The following GALNT13 variants were observed in gnomAD, a reference collection of about 807,000 sequenced individuals.
GALNT13 encodes polypeptide N-acetylgalactosaminyltransferase 13.
In GALNT13, 28 loss-of-function variants were observed where a neutral mutation model predicts 64.2. The ratio of observed to expected loss-of-function variants is 0.44; its 90% CI spans 0.32 to 0.60. The LOEUF (loss-of-function observed/expected upper bound fraction) is 0.60, where lower values mean the gene tolerates loss of function less well. GALNT13 is among the 20% of genes least tolerant of loss of function. The probability of loss-of-function intolerance (pLI) is 0.05; values close to 1 mark genes in which losing one functional copy is unlikely to be tolerated. For synonymous variants in GALNT13, 214 were observed against 224.6 expected (o/e 0.95, Z 0.42); for missense variants, 577 against 669.8 (o/e 0.86, Z 1.53).
intron 3 of GALNT13, among the ~76,000 whole-genome samples, chr2:154,083,533 C>T (rs1050455391): frequency 2.7e-5 from 4 of 150,024 alleles, no homozygotes; most frequent in Admixed American, 6.7e-5. Flanking sequence ...ATTGATTCTT[C>T]CTATCCATGA....
the GALNT13 span, among the ~76,000 whole-genome samples, chr2:153,428,615 G>A: frequency 1.3e-5 from 2 of 152,068 alleles, no homozygotes; most frequent in Non-Finnish European, 2.9e-5. Flanking sequence ...AAGTTCCAGT[G>A]GTGGACAAAA....
chr2:153,800,045 G>GCTCTCTCT, the GALNT13 span, among the ~76,000 whole-genome samples: 2,462 of 118,900 alleles, frequency 0.021, 61 homozygotes, highest in African/African-American at 0.039. Flanking sequence ...CATTTAGTTT[G>GCTCTCTCT]CTCTCTCTCT....
chr2:153,587,574 G>C, the GALNT13 span, among the ~76,000 whole-genome samples: 1 of 152,112 alleles, frequency 6.6e-6, no homozygotes, highest in Non-Finnish European at 1.5e-5. Context: ...GATCTCATGA[G>C]ACTTATTCAC....
At chr2:153,786,489 G>C in the GALNT13 span, among the ~76,000 whole-genome samples, 1 of 152,066 alleles carries the variant, frequency 6.6e-6, no homozygotes, top group African/African-American at 2.4e-5. Context: ...CAACTCCTCT[G>C]CCACTGCCAC....
the GALNT13 span, among the ~76,000 whole-genome samples, chr2:153,205,528 C>T: frequency 6.6e-6 from 1 of 151,958 alleles, no homozygotes; most frequent in Admixed American, 6.6e-5. Context: ...TCATATTTAT[C>T]CATCTTCATA....
chr2:153,216,248 T>C, the GALNT13 span, among the ~76,000 whole-genome samples: 7 of 152,084 alleles, frequency 4.6e-5, no homozygotes, highest in Admixed American at 4.6e-4. Flanking sequence ...TTAATGATTA[T>C]GAGTAAAAGC....
At chr2:153,207,541 A>G in the GALNT13 span, among the ~76,000 whole-genome samples, 1 of 152,124 alleles carries the variant, frequency 6.6e-6, no homozygotes, top group Non-Finnish European at 1.5e-5. Flanking sequence ...ATCAGCTACA[A>G]TATTTCTATT....
At chr2:154,323,533 G>A (rs961506856) in intron 9 of GALNT13, among the ~76,000 whole-genome samples, 5 of 151,998 alleles carry the variant, frequency 3.3e-5, no homozygotes, top group African/African-American at 1.2e-4. Context: ...GTTTGGGGTT[G>A]ATTTATTTTG....
intron 9 of GALNT13, among the ~76,000 whole-genome samples, chr2:154,347,328 C>T (rs559494449): frequency 2.6e-5 from 4 of 152,082 alleles, no homozygotes; most frequent in Non-Finnish European, 2.9e-5. Context: ...GATGATGATA[C>T]CACTTGATCT....
chr2:154,396,711 A>G (rs1488610325), intron 10 of GALNT13, among the ~76,000 whole-genome samples: 2 of 152,164 alleles, frequency 1.3e-5, no homozygotes, highest in Admixed American at 6.5e-5. Flanking sequence ...GTCTATTACA[A>G]TAGCCTCTAG....
chr2:154,058,804 T>C (rs970620646), intron 3 of GALNT13, among the ~76,000 whole-genome samples: 2 of 152,178 alleles, frequency 1.3e-5, no homozygotes, highest in South Asian at 2.1e-4. Context: ...TAAGCTATTA[T>C]AGATTTTAGG....
At chr2:153,152,177 A>G in the GALNT13 span, among the ~76,000 whole-genome samples, 3 of 151,964 alleles carry the variant, frequency 2.0e-5, no homozygotes, top group African/African-American at 7.2e-5. Flanking sequence ...TCCTTATTAG[A>G]AATGACTTTT....
At chr2:153,772,137 G>A in the GALNT13 span, among the ~76,000 whole-genome samples, 1 of 152,198 alleles carries the variant, frequency 6.6e-6, no homozygotes, top group African/African-American at 2.4e-5. Context: ...AATTCTGGCT[G>A]TGAGCATTAG....
chr2:154,438,577 A>C lies in GALNT13; in HGVS notation c.1396-15A>C. On this transcript the variant is annotated splice_polypyrimidine_tract_variant and intron_variant, in intron 11 of 12. Transcript: ENST00000392825. The stretch of plus-strand genomic sequence containing the variant: ...AAACATACATTTTTTTTATTAGCTG[A>C]ATTTATATTTTCAGGTATTTTCTTA... The C allele has an allele frequency of 1.3e-6, 2 of 1,595,630 alleles. No homozygotes were observed. The highest frequency in any genetic ancestry group is 2.2e-5 in the South Asian group (2 of 90,132).
chr2:153,910,151 C>T (rs1457265588), intron 2 of GALNT13, among the ~76,000 whole-genome samples: 4 of 150,880 alleles, frequency 2.7e-5, no homozygotes, highest in African/African-American at 4.9e-5. Flanking sequence ...TCAGTTTCTT[C>T]CTGGTTTAGT....
intron 11 of GALNT13, among the ~76,000 whole-genome samples, chr2:154,431,636 T>G (rs1700714206): frequency 6.6e-6 from 1 of 152,222 alleles, no homozygotes; most frequent in African/African-American, 2.4e-5. Flanking sequence ...GAAAGAATGC[T>G]TACCATCTGA....
intron 3 of GALNT13, among the ~76,000 whole-genome samples, chr2:153,957,423 CT>C (rs1419623997): frequency 6.6e-6 from 1 of 152,210 alleles, no homozygotes; most frequent in Admixed American, 6.5e-5. Flanking sequence ...TTGTCTGCCA[CT>C]GTGGGAAGCC....
chr2:154,156,951 C>T (rs569682039), intron 4 of GALNT13, among the ~76,000 whole-genome samples: 12 of 152,192 alleles, frequency 7.9e-5, no homozygotes, highest in African/African-American at 1.7e-4. Flanking sequence ...ATTTGGGAGA[C>T]GGTTCATACA....
intron 2 of GALNT13, among the ~76,000 whole-genome samples, chr2:153,908,625 A>C (rs1688738339): frequency 6.6e-6 from 1 of 151,972 alleles, no homozygotes; most frequent in Non-Finnish European, 1.5e-5. Flanking sequence ...CCTGTTATCC[A>C]AGCACACTCC....
Sources: allele counts gnomAD v4.1 joint callset (sites outside exome capture counted in the v4.1 genomes callset), GRCh38; gene constraint gnomAD v4.1.1; transcripts MANE v1.5; gene names NCBI Gene and HGNC (gene_info 2026-07-23, HGNC 2026-07-21).